The following CACNA2D3 variants were observed in gnomAD, a reference collection of about 807,000 sequenced individuals.
CACNA2D3 encodes the protein calcium voltage-gated channel auxiliary subunit alpha2delta 3.
In CACNA2D3, 60 loss-of-function variants were observed where a neutral mutation model predicts 160.6. The ratio of observed to expected loss-of-function variants is 0.37; its 90% confidence interval spans 0.30 to 0.46. The LOEUF is 0.46. Ranked by LOEUF, CACNA2D3 falls within the 20% of genes least tolerant of loss-of-function variation. CACNA2D3 has a pLI of 1.00. For missense variants in CACNA2D3, 1,205 were observed against 1,365.0 expected (o/e 0.88, Z 1.85); for synonymous variants, 558 against 492.9 (o/e 1.13, Z -1.75).
intron 14 of CACNA2D3, among the ~76,000 whole-genome samples, chr3:54,820,442 A>G (rs563567907): frequency 4.6e-5 from 7 of 152,272 alleles, no homozygotes; most frequent in Admixed American, 2.0e-4. Context: ...TTGAAAAAAA[A>G]TATTATTTTT....
chr3:54,776,170 A>G (rs1195920017), intron 13 of CACNA2D3, among the ~76,000 whole-genome samples: 1 of 152,216 alleles, frequency 6.6e-6, no homozygotes, highest in East Asian at 1.9e-4. Context: ...TATGTCCCAG[A>G]AGGCCAAGGG....
intron 11 of CACNA2D3, among the ~76,000 whole-genome samples, chr3:54,680,937 A>T (rs2106913840): frequency 6.6e-6 from 1 of 152,244 alleles, no homozygotes; most frequent in East Asian, 1.9e-4. Flanking sequence ...TGGGGCTGAC[A>T]ACCGAGGGGA....
chr3:54,404,535 G>A (rs1699535748), intron 4 of CACNA2D3, among the ~76,000 whole-genome samples: 1 of 152,140 alleles, frequency 6.6e-6, no homozygotes, highest in Non-Finnish European at 1.5e-5. Context: ...CATAATCAAT[G>A]AGGAGAAACT....
chr3:54,736,915 C>A (rs868189549), intron 11 of CACNA2D3, among the ~76,000 whole-genome samples: 4 of 152,124 alleles, frequency 2.6e-5, no homozygotes, highest in African/African-American at 9.7e-5. Flanking sequence ...TGACAGTGAC[C>A]ACCTCAATGC....
rs144656693 is a variant in CACNA2D3, at chr3:54,837,811, C to T, written c.1470+581C>T. On this transcript the variant is annotated intron_variant, in intron 15 of 37. Coordinates refer to ENST00000474759, the MANE Select transcript of CACNA2D3 (RefSeq NM_018398.3). Reference sequence around the variant, plus strand: ...CTTATATGTCTCTCTGTGTCCTTCCCTGTTGTAAGGAAATCAGTCATGGGA... The same window carrying T: ...CTTATATGTCTCTCTGTGTCCTTCCTTGTTGTAAGGAAATCAGTCATGGGA... 2.6e-5 allele frequency among the ~76,000 whole-genome samples: 4 copies of T among 152,266 alleles called. No individual in the cohort carries two copies. In the East Asian group the frequency reaches 7.7e-4, roughly 29 times the overall value.
intron 11 of CACNA2D3, among the ~76,000 whole-genome samples, chr3:54,669,153 A>G (rs1057440999): frequency 3.3e-5 from 5 of 152,210 alleles, no homozygotes; most frequent in Admixed American, 1.3e-4. Flanking sequence ...ACAGTTAAAC[A>G]CGGTTCCACA....
chr3:54,272,546 G>A (rs1231074123), intron 2 of CACNA2D3, among the ~76,000 whole-genome samples: 3 of 151,926 alleles, frequency 2.0e-5, no homozygotes, highest in Non-Finnish European at 4.4e-5. Flanking sequence ...ACCTATTGTG[G>A]GGTTCTTCTG....
At chr3:54,344,927 C>A (rs1354159611) in intron 3 of CACNA2D3, among the ~76,000 whole-genome samples, 1 of 152,200 alleles carries the variant, frequency 6.6e-6, no homozygotes, top group Non-Finnish European at 1.5e-5. Context: ...CAAAACCCAC[C>A]AAAACCAAAA....
intron 34 of CACNA2D3, among the ~76,000 whole-genome samples, chr3:55,010,339 C>T (rs925225846): frequency 6.6e-6 from 1 of 152,020 alleles, no homozygotes; most frequent in Non-Finnish European, 1.5e-5. Context: ...TCGAGACATG[C>T]AGTTGACCCG....
intron 35 of CACNA2D3, among the ~76,000 whole-genome samples, chr3:55,051,136 ATT>A: frequency 6.6e-6 from 1 of 152,040 alleles, no homozygotes; most frequent in South Asian, 2.1e-4. Flanking sequence ...GCTTTGTTCC[ATT>A]GCTGGTGAGG....
At chr3:54,493,065 T>A (rs958462685) in intron 4 of CACNA2D3, among the ~76,000 whole-genome samples, 1 of 2,484 alleles carries the variant, frequency 4.0e-4, no homozygotes, top group African/African-American at 6.4e-4. Context: ...CAAAACTTTT[T>A]TTTTTTTTTT....
Position 55,073,554 on chromosome 3 carries a change from AG to A in CACNA2D3, c.3099del (p.Arg1033SerfsTer11). The A allele has an allele frequency of 6.2e-7, 1 of 1,612,434 alleles. No homozygotes were observed. Among genetic ancestry groups the A allele is most frequent in the Non-Finnish European group, 8.5e-7 (1 of 1,178,498 alleles). Reference protein sequence around the residue: ...APITMAPIEIRYNESLKCERL... With the variant: ...APITMAPIEIXYNESLKCERL... ...CATCACCATGGCACCCATTGAAATC[AG>A]GTATATCCTTTTGTGTGCAGGTCCA... On this transcript the variant is annotated frameshift_variant and splice_region_variant, in exon 36 of 38. Transcript: ENST00000474759. LOFTEE classifies it high-confidence loss of function.
chr3:54,942,104 G>C (rs372845430), intron 27 of CACNA2D3, among the ~76,000 whole-genome samples: 2 of 152,372 alleles, frequency 1.3e-5, no homozygotes, highest in African/African-American at 2.4e-5. Flanking sequence ...GTGTTGGCTA[G>C]AGCCTGGCAA....
chr3:54,998,261 G>A (rs779587912), intron 31 of CACNA2D3, among the ~76,000 whole-genome samples: 4 of 151,044 alleles, frequency 2.6e-5, no homozygotes, highest in South Asian at 2.1e-4. Flanking sequence ...TTAGCCTGCC[G>A]AGTAGCTGGG....
At chr3:54,285,648 A>AC (rs1702997571) in intron 2 of CACNA2D3, among the ~76,000 whole-genome samples, 1 of 152,030 alleles carries the variant, frequency 6.6e-6, no homozygotes, top group Non-Finnish European at 1.5e-5. Flanking sequence ...TGGGTCCCTG[A>AC]CCCCCGAGCA....
At chr3:55,049,927 C>A (rs1393292534) in intron 35 of CACNA2D3, among the ~76,000 whole-genome samples, 3 of 150,546 alleles carry the variant, frequency 2.0e-5, no homozygotes, top group Non-Finnish European at 4.4e-5. Flanking sequence ...GATTGCAACC[C>A]CTGCCTTTTT....
intron 3 of CACNA2D3, among the ~76,000 whole-genome samples, chr3:54,329,775 A>G (rs1382788498): frequency 6.6e-6 from 1 of 152,240 alleles, no homozygotes; most frequent in Admixed American, 6.5e-5. Context: ...TGATAATAAA[A>G]GACCACTGTC....
At chr3:54,857,137 A>G (rs779903806) in intron 17 of CACNA2D3, among the ~76,000 whole-genome samples, 1 of 152,218 alleles carries the variant, frequency 6.6e-6, no homozygotes, top group Non-Finnish European at 1.5e-5. Context: ...AGACTGGTCC[A>G]GGCTGAAGAA....
In CACNA2D3 at chr3:55,009,395, G is replaced by T; in HGVS notation, c.2827G>T (p.Val943Leu). ...TTTCCACGATCTGTTTAGGTTCCTG[G>T]TGGAATTTAACCTCTGCAGTTGGTG... The part of the protein sequence containing the change: ...WIMTELVLFL[V>L]EFNLCSWWHS... Residue 943 changes from valine to leucine, a missense_variant, in exon 34 of 38, where the codon GTG becomes TTG. This residue lies in a region of CACNA2D3 where 911 missense variants were observed against 1,002.2 expected (regional missense o/e 0.91). Coordinates refer to ENST00000474759, the MANE Select transcript of CACNA2D3 (RefSeq NM_018398.3). 1 of 1,613,810 alleles carries T rather than the reference G, an allele frequency of 6.2e-7. No homozygotes were observed. Among genetic ancestry groups the T allele is most frequent in the South Asian group, 1.1e-5 (1 of 91,076 alleles).
Sources: gnomAD v4.1 joint callset for allele counts (sites outside exome capture counted in the v4.1 genomes callset) on GRCh38, gnomAD v4.1.1 for gene constraint, gnomAD v4.1.1 regional missense constraint, MANE v1.5 for transcripts, NCBI Gene and HGNC (gene_info 2026-07-23, HGNC 2026-07-21) for gene names.